Variants in TMC5 observed in about 807,000 individuals in gnomAD.
The protein encoded by TMC5 is transmembrane channel-like protein 5.
In TMC5, 86 loss-of-function variants were observed where a neutral mutation model predicts 110.5. The observed-to-expected ratio is 0.78, with a 90% CI of 0.65 to 0.93. The LOEUF (loss-of-function observed/expected upper bound fraction) is 0.93. TMC5 is among the 40% of genes least tolerant of loss of function. The pLI is 0.00. For missense variants in TMC5, 1,144 were observed against 1,222.8 expected (o/e 0.94, Z 0.96); for synonymous variants, 455 against 439.5 (o/e 1.04, Z -0.44).
intron 5 of TMC5, among the ~76,000 whole-genome samples, chr16:19,458,103 G>A (rs757994186): frequency 5.9e-5 from 9 of 152,086 alleles, no homozygotes; most frequent in Non-Finnish European, 1.0e-4. Flanking sequence ...GCAACAGATA[G>A]GATGTCTCTT....
chr16:19,431,053 G>A (rs1597162605), intron 2 of TMC5, among the ~76,000 whole-genome samples: 2 of 152,064 alleles, frequency 1.3e-5, no homozygotes, highest in South Asian at 4.1e-4. Flanking sequence ...TCTGTTTTAA[G>A]TCAAATAAAT....
chr16:19,492,405 CTTA>C (rs1168452628), intron 19 of TMC5, 177 bp downstream of exon 19: 1 of 416,220 alleles, frequency 2.4e-6, no homozygotes, highest in East Asian at 3.5e-5. Context: ...CAGCAAATCC[CTTA>C]TTTTTATTCT....
intron 2 of TMC5, among the ~76,000 whole-genome samples, chr16:19,437,891 A>T (rs1967382415): frequency 6.6e-6 from 1 of 152,164 alleles, no homozygotes; most frequent in African/African-American, 2.4e-5. Flanking sequence ...CTTTCCCAGT[A>T]AGCCTTGTCC....
intron 6 of TMC5, among the ~76,000 whole-genome samples, chr16:19,460,927 G>T (rs967528508): frequency 6.6e-6 from 1 of 151,904 alleles, no homozygotes; most frequent in African/African-American, 2.4e-5. Context: ...AGGCCAAGGT[G>T]GTGGGATTAG....
intron 4 of TMC5, among the ~76,000 whole-genome samples, chr16:19,448,700 A>AT (rs1436470982): frequency 2.1e-5 from 3 of 144,454 alleles, no homozygotes; most frequent in African/African-American, 5.1e-5. Context: ...GATAATATAT[A>AT]TATTTTAATA....
chr16:19,428,216 T>TA (rs1967125808), intron 1 of TMC5, among the ~76,000 whole-genome samples: 1 of 152,114 alleles, frequency 6.6e-6, no homozygotes, highest in Non-Finnish European at 1.5e-5. Context: ...CTAGCTTTTT[T>TA]AAAAACAAAT....
chr16:19,476,354 A>G (rs1294844802), intron 12 of TMC5, among the ~76,000 whole-genome samples: 3 of 152,024 alleles, frequency 2.0e-5, no homozygotes, highest in African/African-American at 7.2e-5. Context: ...CGGAAGAAAG[A>G]AAGAGAGAAA....
intron 5 of TMC5, among the ~76,000 whole-genome samples, chr16:19,459,038 T>G (rs1026789101): frequency 1.3e-5 from 2 of 149,366 alleles, no homozygotes; most frequent in African/African-American, 5.1e-5. Context: ...CTTTTTCTTG[T>G]TTTTTGCTTT....
intron 5 of TMC5, among the ~76,000 whole-genome samples, chr16:19,453,125 T>C (rs1967788071): frequency 6.6e-6 from 1 of 151,946 alleles, no homozygotes; most frequent in African/African-American, 2.4e-5. Context: ...CATTTTGCTT[T>C]GTGTTGAATC....
chr16:19,491,720 A>G (rs565155315), intron 18 of TMC5, among the ~76,000 whole-genome samples: 1 of 152,046 alleles, frequency 6.6e-6, no homozygotes, highest in African/African-American at 2.4e-5. Context: ...CATTTTTAAT[A>G]GAGACAGGGT....
intron 2 of TMC5, among the ~76,000 whole-genome samples, chr16:19,436,830 G>A (rs891427704): frequency 6.6e-6 from 1 of 152,030 alleles, no homozygotes; most frequent in Non-Finnish European, 1.5e-5. Flanking sequence ...CTCCCTGTTA[G>A]CATCACTCTT....
At position 19,492,162 on chromosome 16, in the gene TMC5, T is replaced by C; in HGVS notation, c.2760T>C (p.Tyr920=). 11 of 1,612,532 alleles carry C rather than the reference T, an allele frequency of 6.8e-6. No homozygotes were observed. The highest frequency in any genetic ancestry group is 9.3e-6 in the Non-Finnish European group (11 of 1,178,784). The stretch of plus-strand genomic sequence containing the variant: ...TCTCCTCTTCCAGAATCATCACCTA[T>C]CTTTACTGGCAGATCACAGAGGGAA... ...ILTLIVLIIT[Y]LYWQITEGRK... Residue 920 remains tyrosine (Y), a synonymous_variant, in exon 19 of 22, where the codon TAT becomes TAC. Coordinates refer to ENST00000542583, the MANE Select transcript of TMC5 (RefSeq NM_001261841.2).
In TMC5 at chr16:19,487,213, C is replaced by G. The variant is rs1968766602; in HGVS notation, c.2460C>G (p.Phe820Leu). The change falls in exon 17 of 22, where the codon TTC (phenylalanine) becomes TTG (leucine). Residue 820 changes from phenylalanine (F) to leucine (L), a missense_variant. Physicochemically the swap from Phe to Leu is conservative, Grantham distance 22. Coordinates refer to ENST00000542583, the MANE Select transcript of TMC5 (RefSeq NM_001261841.2). ...YSKNISLMMN[F>L]QPPSKAWRAS... ...TTCAGATCAGCCTGATGATGAATTT[C>G]CAGCCTCCGAGCAAAGCCTGGCGGG... is the stretch of plus-strand genomic sequence containing the variant. 3 of 1,613,158 alleles carry G rather than the reference C, an allele frequency of 1.9e-6. No homozygotes were observed. Among genetic ancestry groups the G allele is most frequent in the Non-Finnish European group, 2.5e-6 (3 of 1,179,586 alleles).
intron 5 of TMC5, among the ~76,000 whole-genome samples, chr16:19,459,693 G>T (rs1245849978): frequency 6.6e-6 from 1 of 151,962 alleles, no homozygotes; most frequent in Admixed American, 6.6e-5. Flanking sequence ...GAGGTGGGAG[G>T]ATCGCTTGAG....
intron 5 of TMC5, chr16:19,456,826 C>T (rs763040479): frequency 7.4e-6 from 12 of 1,614,074 alleles, no homozygotes; most frequent in Non-Finnish European, 1.7e-6. Context: ...TAGACTCAAG[C>T]ATCAACATGG....
chr16:19,466,322 T>A, intron 9 of TMC5, 89 bp downstream of exon 9: 1 of 1,413,386 alleles, frequency 7.1e-7, no homozygotes, highest in Non-Finnish European at 9.8e-7. Context: ...CAGGTAACAG[T>A]TTCTCTGCAG....
chr16:19,443,836 CATGG>C (rs1967545759), intron 3 of TMC5, among the ~76,000 whole-genome samples: 1 of 149,580 alleles, frequency 6.7e-6, no homozygotes, highest in Non-Finnish European at 1.5e-5. Context: ...TGGATGGGTA[CATGG>C]ATGGATGGAT....
chr16:19,495,372 T>C (rs112711223), intron 20 of TMC5, among the ~76,000 whole-genome samples: 2 of 152,260 alleles, frequency 1.3e-5, no homozygotes, highest in African/African-American at 4.8e-5. Context: ...CATACCTGTA[T>C]CTACCAACAC....
chr16:19,415,580 CTT>C (rs1246522218), upstream of TMC5, among the ~76,000 whole-genome samples: 3 of 152,200 alleles, frequency 2.0e-5, no homozygotes, highest in African/African-American at 7.2e-5. Context: ...GAAATCCTGA[CTT>C]ATAGCTACAA....
Sources: gnomAD v4.1 joint callset for allele counts (sites outside exome capture counted in the v4.1 genomes callset) on GRCh38, gnomAD v4.1.1 for gene constraint, MANE v1.5 for transcripts, NCBI Gene and HGNC (gene_info 2026-07-23, HGNC 2026-07-21) for gene names.